ROBO2: variants seen among roughly 807,000 people sequenced by gnomAD.
ROBO2 encodes the protein roundabout homolog 2.
Under a neutral mutation model 160.8 loss-of-function variants are expected in ROBO2, and 53 were observed. The observed-to-expected ratio is 0.33, with a 90% CI of 0.26 to 0.41. The LOEUF (loss-of-function observed/expected upper bound fraction) is 0.41. ROBO2 is among the 10% of genes least tolerant of loss of function. The pLI is 1.00. For missense variants in ROBO2, 1,577 were observed against 1,722.4 expected (o/e 0.92, Z 1.49); for synonymous variants, 664 against 611.7 (o/e 1.09, Z -1.26).
At chr3:76,250,278 A>T (rs939840097) in intron 2 of ROBO2, among the ~76,000 whole-genome samples, 7 of 152,126 alleles carry the variant, frequency 4.6e-5, no homozygotes, top group Non-Finnish European at 7.4e-5. Flanking sequence ...AATGTAAATA[A>T]TAGTTTACTG....
At chr3:76,098,652 CAT>C (rs776889771) in intron 2 of ROBO2, among the ~76,000 whole-genome samples, 18 of 152,010 alleles carry the variant, frequency 1.2e-4, no homozygotes, top group Non-Finnish European at 1.8e-4. Flanking sequence ...TCATTTAAGA[CAT>C]ATAATCTAAA....
chr3:76,801,230 G>A (rs1021251061), intron 2 of ROBO2, among the ~76,000 whole-genome samples: 3 of 152,160 alleles, frequency 2.0e-5, no homozygotes, highest in African/African-American at 7.2e-5. Context: ...CAGATAGAGA[G>A]TAGAGTAGTA....
At chr3:77,288,289 G>A (rs2060754164) in intron 2 of ROBO2, among the ~76,000 whole-genome samples, 1 of 152,184 alleles carries the variant, frequency 6.6e-6, no homozygotes, top group South Asian at 2.1e-4. Flanking sequence ...TAGAGGTAGA[G>A]AGGTGTTAAC....
intron 14 of ROBO2, among the ~76,000 whole-genome samples, 177 bp downstream of exon 15, chr3:77,574,907 A>G (rs546486885): frequency 2.0e-5 from 3 of 152,234 alleles, no homozygotes; most frequent in South Asian, 2.1e-4. Context: ...AGAAAAAAGG[A>G]CACTAATGTA....
At chr3:76,313,604 T>G (rs902498754) in intron 2 of ROBO2, among the ~76,000 whole-genome samples, 1 of 152,274 alleles carries the variant, frequency 6.6e-6, no homozygotes, top group East Asian at 1.9e-4. Context: ...TTTTAAAGGT[T>G]ACTTTACTCT....
At chr3:77,078,625 C>G (rs2068277235) in intron 1 of ROBO2, among the ~76,000 whole-genome samples, 1 of 152,212 alleles carries the variant, frequency 6.6e-6, no homozygotes, top group Non-Finnish European at 1.5e-5. Context: ...AATTTTCAAT[C>G]CACTTTACAG....
chr3:77,503,221 A>T (rs1046672625), intron 5 of ROBO2, among the ~76,000 whole-genome samples: 3 of 151,602 alleles, frequency 2.0e-5, no homozygotes, highest in African/African-American at 2.4e-5. Context: ...AATATAAATT[A>T]AAAAAATAAT....
At chr3:77,131,805 A>C (rs192462776) in intron 2 of ROBO2, among the ~76,000 whole-genome samples, 31 of 152,264 alleles carry the variant, frequency 2.0e-4, no homozygotes, top group Non-Finnish European at 1.8e-4. Flanking sequence ...AGACTAGAGA[A>C]TTTAGGAAAT....
chr3:76,612,740 T>C (rs932402351), intron 2 of ROBO2, among the ~76,000 whole-genome samples: 2 of 152,194 alleles, frequency 1.3e-5, no homozygotes, highest in Non-Finnish European at 2.9e-5. Flanking sequence ...ATATTGGCTT[T>C]ACATATCTAC....
At chr3:77,089,459 T>C (rs1336967514) in intron 1 of ROBO2, among the ~76,000 whole-genome samples, 1 of 152,186 alleles carries the variant, frequency 6.6e-6, no homozygotes, top group Non-Finnish European at 1.5e-5. Flanking sequence ...GACAAACCTC[T>C]TTTATCCTTA....
chr3:76,254,082 T>A (rs1320768421), intron 2 of ROBO2, among the ~76,000 whole-genome samples: 1 of 152,104 alleles, frequency 6.6e-6, no homozygotes, highest in African/African-American at 2.4e-5. Flanking sequence ...TTCAAGAGAT[T>A]CATCTTTAGT....
chr3:76,383,302 A>G (rs1383561063), intron 2 of ROBO2, among the ~76,000 whole-genome samples: 3 of 152,172 alleles, frequency 2.0e-5, no homozygotes, highest in Non-Finnish European at 2.9e-5. Context: ...TATGCAATGG[A>G]TGAATAGAGA....
chr3:77,017,351 G>A (rs1017313593), intron 2 of ROBO2, among the ~76,000 whole-genome samples: 5 of 152,162 alleles, frequency 3.3e-5, no homozygotes, highest in Middle Eastern at 3.2e-3. Flanking sequence ...AAAGTAAATA[G>A]ATAAGGGAAG....
intron 2 of ROBO2, among the ~76,000 whole-genome samples, chr3:76,021,958 T>C (rs2107666367): frequency 6.6e-6 from 1 of 151,822 alleles, no homozygotes; most frequent in South Asian, 2.1e-4. Flanking sequence ...TGATAGCTTT[T>C]TCCCCACAGT....
intron 16 of ROBO2, among the ~76,000 whole-genome samples, chr3:77,582,397 T>TC (rs2153678349): frequency 6.6e-6 from 1 of 152,324 alleles, no homozygotes; most frequent in East Asian, 1.9e-4. Flanking sequence ...TCTTGTTTTT[T>TC]TTTAATCCAA....
intron 2 of ROBO2, among the ~76,000 whole-genome samples, chr3:77,112,536 G>T (rs1198552038): frequency 6.6e-6 from 1 of 151,922 alleles, no homozygotes; most frequent in African/African-American, 2.4e-5. Flanking sequence ...GAGCCACCGC[G>T]CCCTGCCGAG....
intron 2 of ROBO2, among the ~76,000 whole-genome samples, chr3:75,970,938 C>T (rs2064973995): frequency 6.6e-6 from 1 of 151,002 alleles, no homozygotes; most frequent in Admixed American, 6.6e-5. Context: ...TTATTTCATG[C>T]TAATTAAGTA....
At chr3:77,532,610 AT>A (rs1432306026) in intron 6 of ROBO2, among the ~76,000 whole-genome samples, 1 of 151,820 alleles carries the variant, frequency 6.6e-6, no homozygotes, top group Non-Finnish European at 1.5e-5. Flanking sequence ...CTCTATAATA[AT>A]TTCAATCATT....
At chr3:76,792,248 A>G (rs1044065671) in intron 2 of ROBO2, among the ~76,000 whole-genome samples, 6 of 151,884 alleles carry the variant, frequency 4.0e-5, no homozygotes, top group Admixed American at 3.9e-4. Flanking sequence ...AGTTTTTGCA[A>G]GTGTTAAGAG....
Sources: gnomAD v4.1 joint callset for allele counts (sites outside exome capture counted in the v4.1 genomes callset) on GRCh38, gnomAD v4.1.1 for gene constraint, MANE v1.5 for transcripts, NCBI Gene and HGNC (gene_info 2026-07-23, HGNC 2026-07-21) for gene names.